FAM107B: variants seen among roughly 807,000 people sequenced by gnomAD.
FAM107B encodes protein FAM107B.
FAM107B carries 21 observed loss-of-function variants against 31.5 expected under a neutral mutation model. That is an observed-to-expected ratio of 0.67 (90% confidence interval 0.47 to 0.96). The LOEUF (loss-of-function observed/expected upper bound fraction) is 0.96. Ranked by LOEUF, FAM107B falls within the 40% of genes least tolerant of loss-of-function variation. The pLI is 0.00. For missense variants in FAM107B, 452 were observed against 377.1 expected (o/e 1.20, Z -1.64); for synonymous variants, 157 against 141.5 (o/e 1.11, Z -0.78).
intron 2 of FAM107B, among the ~76,000 whole-genome samples, chr10:14,582,864 C>A (rs976091034): frequency 6.6e-6 from 1 of 151,894 alleles, no homozygotes; most frequent in Non-Finnish European, 1.5e-5. Flanking sequence ...GGCACGTGAA[C>A]CACCTGAGGT....
At chr10:14,707,535 G>A (rs1855550414) in intron 1 of FAM107B, among the ~76,000 whole-genome samples, 1 of 152,130 alleles carries the variant, frequency 6.6e-6, no homozygotes, top group Non-Finnish European at 1.5e-5. Flanking sequence ...CATGACTGCA[G>A]AAGAAAAGGC....
At chr10:14,646,099 C>T (rs571808992) in intron 2 of FAM107B, among the ~76,000 whole-genome samples, 3 of 152,190 alleles carry the variant, frequency 2.0e-5, no homozygotes, top group Admixed American at 6.5e-5. Context: ...ACAGATTGTC[C>T]GTAATGCATG....
Position 14,739,660 on chromosome 10 carries a change from T to G in FAM107B, c.411+34593A>C, listed in dbSNP as rs1856391350. On this transcript the variant is annotated intron_variant, in intron 1 of 4. Transcript: ENST00000181796. ...GAATGAGCGAATAAAGGGAAAATAT[T>G]TCATTTCCCAGACCACAAGAATTGT... 4.6e-5 allele frequency among the ~76,000 whole-genome samples: 7 copies of G among 152,206 alleles called. No homozygotes were observed. The South Asian group carries it at 1.2e-3, about 27-fold the overall frequency.
chr10:14,665,778 C>T (rs944339727), intron 2 of FAM107B, among the ~76,000 whole-genome samples: 1 of 152,220 alleles, frequency 6.6e-6, no homozygotes, highest in Non-Finnish European at 1.5e-5. Flanking sequence ...TTTGATCCTG[C>T]TTCCCAGTGC....
At chr10:14,743,597 T>G (rs1276404718) in intron 1 of FAM107B, among the ~76,000 whole-genome samples, 3 of 152,204 alleles carry the variant, frequency 2.0e-5, no homozygotes, top group African/African-American at 7.2e-5. Context: ...CCAGCACCAT[T>G]TATTAAATAG....
At chr10:14,749,943 A>G (rs1295128932) in intron 1 of FAM107B, among the ~76,000 whole-genome samples, 2 of 152,238 alleles carry the variant, frequency 1.3e-5, no homozygotes, top group African/African-American at 4.8e-5. Flanking sequence ...CCACCTGGGA[A>G]CGCCAGGAAG....
At chr10:14,577,589 T>C (rs1370443045) in intron 2 of FAM107B, among the ~76,000 whole-genome samples, 1 of 152,246 alleles carries the variant, frequency 6.6e-6, no homozygotes, top group Non-Finnish European at 1.5e-5. Flanking sequence ...TGTTAGCCCC[T>C]GATTTTCAGG....
intron 2 of FAM107B, among the ~76,000 whole-genome samples, chr10:14,582,955 G>C (rs990861339): frequency 1.3e-5 from 2 of 151,784 alleles, no homozygotes; most frequent in Non-Finnish European, 2.9e-5. Flanking sequence ...GCAGAGTGGC[G>C]TGCCCCTATA....
At chr10:14,691,121 G>A (rs892914524) in intron 1 of FAM107B, among the ~76,000 whole-genome samples, 2 of 151,220 alleles carry the variant, frequency 1.3e-5, no homozygotes, top group Non-Finnish European at 2.9e-5. Flanking sequence ...CTGCAGCCTC[G>A]ACCTCCTGGG....
chr10:14,771,499 G>A (rs560403751), intron 1 of FAM107B, among the ~76,000 whole-genome samples: 6 of 151,940 alleles, frequency 3.9e-5, no homozygotes, highest in Non-Finnish European at 5.9e-5. Flanking sequence ...CTCAACACAG[G>A]GAAAAGGTAA....
In FAM107B at chr10:14,744,327, G is replaced by C. The variant is rs181360809; in HGVS notation, c.411+29926C>G. Among the ~76,000 whole-genome samples, 7 of 152,178 alleles carry C rather than the reference G, an allele frequency of 4.6e-5. No homozygotes were observed. In the East Asian group the frequency reaches 1.3e-3, roughly 29 times the overall value. On this transcript the variant is annotated intron_variant, in intron 1 of 4. Transcript: ENST00000181796. ...AGTTTGACTTCCTCTCTTCCTATTT[G>C]AATACCTTTATTTCTTTCTCTTGCC...
At chr10:14,760,828 A>T (rs2688867) in intron 1 of FAM107B, among the ~76,000 whole-genome samples, 20,643 of 151,954 alleles carry the variant, frequency 0.14, 1,693 homozygotes, top group East Asian at 0.27. Context: ...CCTGGTCAAC[A>T]TGGTGAAACC....
chr10:14,614,481 T>C (rs1852802097), intron 2 of FAM107B, among the ~76,000 whole-genome samples: 1 of 151,998 alleles, frequency 6.6e-6, no homozygotes, highest in Admixed American at 6.6e-5. Flanking sequence ...AAGATCAGCC[T>C]GACCAACATG....
At position 14,570,233 on chromosome 10, in the gene FAM107B, GGTGTGT is replaced by G. The variant is rs57206586; in HGVS notation, c.470-39724_470-39719del. Among the ~76,000 whole-genome samples the G allele has an allele frequency of 3.7e-3, 521 of 140,418 alleles. 2 individuals are homozygous for G. Among genetic ancestry groups the G allele is most frequent in the African/African-American group, 0.012 (438 of 37,432 alleles). 92.1% of individuals were successfully genotyped at this position (140,418 alleles called of 152,430 possible). A position where few individuals can be genotyped will look rare whatever the true frequency, so the allele number is the denominator to read the frequency against. ...ACGTACCTACCAAAAAAATGTGGTG[GGTGTGT>G]GTGTGTGTGTGTGTGTGTGTGTGTG... On this transcript the variant is annotated intron_variant, in intron 2 of 4. Transcript: ENST00000181796.
chr10:14,695,251 G>A (rs879619612), intron 1 of FAM107B, among the ~76,000 whole-genome samples: 2 of 152,116 alleles, frequency 1.3e-5, no homozygotes, highest in African/African-American at 2.4e-5. Context: ...ATTTACTGAA[G>A]AGACCCTCCT....
At chr10:14,737,800 C>CTA (rs59200578) in intron 1 of FAM107B, among the ~76,000 whole-genome samples, 2 of 149,100 alleles carry the variant, frequency 1.3e-5, no homozygotes, top group East Asian at 4.0e-4. Context: ...CTCTCTCTCT[C>CTA]CTTCGTTGGC....
chr10:14,679,340 A>G (rs1299560274), intron 1 of FAM107B, among the ~76,000 whole-genome samples: 1 of 152,184 alleles, frequency 6.6e-6, no homozygotes, highest in Non-Finnish European at 1.5e-5. Context: ...TATGTTGTCC[A>G]GGCTGGTCTT....
At chr10:14,560,819 G>A (rs767978764) in intron 2 of FAM107B, among the ~76,000 whole-genome samples, 2 of 152,134 alleles carry the variant, frequency 1.3e-5, no homozygotes, top group East Asian at 3.8e-4. Flanking sequence ...CCAAAGCCCC[G>A]ATGTTTACAT....
chr10:14,742,009 C>A (rs531067957), intron 1 of FAM107B, among the ~76,000 whole-genome samples: 2 of 151,554 alleles, frequency 1.3e-5, no homozygotes, highest in Non-Finnish European at 2.9e-5. Context: ...CCACCGCGTG[C>A]GGCCAACTCC....
Sources: allele counts gnomAD v4.1 joint callset (sites outside exome capture counted in the v4.1 genomes callset), GRCh38; gene constraint gnomAD v4.1.1; transcripts MANE v1.5; gene names NCBI Gene and HGNC (gene_info 2026-07-23, HGNC 2026-07-21).